The following TENM4 variants were observed in gnomAD, a reference collection of about 807,000 sequenced individuals.
TENM4 encodes teneurin-4.
In TENM4, 82 loss-of-function variants were observed where a neutral mutation model predicts 243.3. The ratio of observed to expected loss-of-function variants is 0.34; its 90% confidence interval spans 0.28 to 0.40. The LOEUF is 0.40. Ranked by LOEUF, TENM4 falls within the 10% of genes least tolerant of loss-of-function variation. The pLI is 1.00. For missense variants in TENM4, 3,138 were observed against 3,673.3 expected, an observed-to-expected ratio of 0.85 and a Z score of 3.77; for synonymous variants, 1,412 against 1,456.3, an observed-to-expected ratio of 0.97 and a Z score of 0.69.
Position 78,726,127 on chromosome 11 carries a change from G to A in TENM4, c.3502C>T (p.Leu1168Phe), listed in dbSNP as rs1855505325. The change falls in exon 23 of 34, where the codon CTT (leucine) becomes TTT (phenylalanine). Residue 1168 changes from leucine to phenylalanine, a missense_variant. By Grantham distance (22) the Leu-to-Phe change is conservative. Transcript: ENST00000278550. The stretch of plus-strand genomic sequence containing the variant: ...TGTTTGTCTAGGCTCCATCCTCCAA[G>A]CTTGGACGCGTCAATTTCATAGCCC... ...LQGYEIDASK[L>F]GGWSLDKHHA... 1 of 1,613,916 alleles carries A rather than the reference G, an allele frequency of 6.2e-7. No homozygotes were observed. The highest frequency in any genetic ancestry group is 1.3e-5 in the African/African-American group (1 of 74,930).
rs919909100 is a variant in TENM4, at chr11:79,069,768, G to A, written c.177C>T (p.Arg59=). 1.7e-5 allele frequency: 26 copies of A among 1,551,218 alleles called. No homozygotes were observed. Among genetic ancestry groups the A allele is most frequent in the East Asian group, 7.3e-5 (3 of 40,914 alleles). The change falls in exon 5 of 34, where the codon CGC becomes CGT. Residue 59 remains arginine (R), a synonymous_variant. Transcript: ENST00000278550. ...CCTCCTGCGGCACAATGTCCTTGAC[G>A]CGGCTGCCATAGGCTAGGCGGGCGT... ...DQDARLAYGS[R]VKDIVPQEAE...
intron 6 of TENM4, among the ~76,000 whole-genome samples, chr11:78,950,052 G>T (rs1857081831): frequency 6.6e-6 from 1 of 152,056 alleles, no homozygotes; most frequent in Non-Finnish European, 1.5e-5. Context: ...TGTGTTCTGA[G>T]GGGGCTCTAA....
chr11:78,881,959 G>A (rs1008268378), intron 9 of TENM4, among the ~76,000 whole-genome samples: 2 of 152,164 alleles, frequency 1.3e-5, no homozygotes, highest in East Asian at 1.9e-4. Flanking sequence ...TGAAGGAATC[G>A]ATCTTGGAGA....
chr11:79,310,285 A>G (rs1363143044), intron 1 of TENM4, among the ~76,000 whole-genome samples: 1 of 152,238 alleles, frequency 6.6e-6, no homozygotes, highest in Non-Finnish European at 1.5e-5. Flanking sequence ...CTCACCAGAC[A>G]CCATCTTGAT....
intron 6 of TENM4, among the ~76,000 whole-genome samples, chr11:79,047,458 A>AG (rs1240851519): frequency 2.6e-5 from 4 of 152,194 alleles, no homozygotes; most frequent in Non-Finnish European, 2.9e-5. Context: ...CTCTCTGGGG[A>AG]TGCTCACTTT....
chr11:79,141,280 C>T (rs1031793462), intron 4 of TENM4, among the ~76,000 whole-genome samples: 1 of 151,872 alleles, frequency 6.6e-6, no homozygotes, highest in Admixed American at 6.6e-5. Context: ...AGAGAAGACC[C>T]AAATAAAATC....
At position 79,353,200 on chromosome 11, in the gene TENM4, G is replaced by A. The variant is rs184376361; in HGVS notation, c.-320-55657C>T. On this transcript the variant is annotated intron_variant, in intron 1 of 33. Coordinates refer to ENST00000278550, the MANE Select transcript of TENM4 (RefSeq NM_001098816.3). The stretch of plus-strand genomic sequence containing the variant: ...ACTTGCTGAGGGCTGGAGGAAGATG[G>A]CCATCTGCCTCCTGGACCAGATCGT... Among the ~76,000 whole-genome samples, 594 of 152,294 alleles carry A rather than the reference G, an allele frequency of 3.9e-3. 4 individuals are homozygous for A. Among genetic ancestry groups the A allele is most frequent in the African/African-American group, 0.014 (564 of 41,554 alleles).
At position 78,947,440 on chromosome 11, in the gene TENM4, G is replaced by T. The variant is rs373923743; in HGVS notation, c.494-43917C>A. ...AGGTAGGGAGTGAGGTGGGGACAGG[G>T]TGTGTGGGGACCTGGAAAAGCAGAA... On this transcript the variant is annotated intron_variant, in intron 6 of 33. Transcript: ENST00000278550. Among the ~76,000 whole-genome samples, 25 of 152,184 alleles carry T rather than the reference G, an allele frequency of 1.6e-4. No homozygotes were observed. In the South Asian group the frequency reaches 4.4e-3, roughly 26 times the overall value.
rs376764719 is a variant in TENM4, at chr11:79,429,162, A to C, written c.-321+11347T>G. 1.1e-3 allele frequency among the ~76,000 whole-genome samples: 168 copies of C among 152,310 alleles called. 1 individual carries two copies. Among genetic ancestry groups the C allele is most frequent in the Middle Eastern group, 3.4e-3 (1 of 294 alleles). ...CAAGGTGGCAAAGAAACAGAGCTGG[A>C]ATTTGAGCCAGGATCTGCTGTCTCA... On this transcript the variant is annotated intron_variant, in intron 1 of 33. Transcript: ENST00000278550.
At chr11:79,300,280 T>C (rs994633345) in intron 1 of TENM4, among the ~76,000 whole-genome samples, 1 of 152,256 alleles carries the variant, frequency 6.6e-6, no homozygotes, top group Non-Finnish European at 1.5e-5. Flanking sequence ...ATCCACACAA[T>C]GTACATTCAG....
chr11:79,248,642 A>G (rs72937362), intron 2 of TENM4, among the ~76,000 whole-genome samples: 8,451 of 152,308 alleles, frequency 0.055, 351 homozygotes, highest in African/African-American at 0.12. Flanking sequence ...TTAAAAAACC[A>G]TACACACCTT....
intron 4 of TENM4, among the ~76,000 whole-genome samples, chr11:79,082,670 C>T (rs1860705820): frequency 6.6e-6 from 1 of 152,004 alleles, no homozygotes; most frequent in South Asian, 2.1e-4. Context: ...TTGCAAAGGC[C>T]CTTGGGGAGG....
At chr11:79,244,836 G>A (rs996558607) in intron 2 of TENM4, among the ~76,000 whole-genome samples, 8 of 152,080 alleles carry the variant, frequency 5.3e-5, no homozygotes, top group Admixed American at 3.3e-4. Context: ...ATTTTTGCCC[G>A]GAGTTTTCTT....
chr11:78,778,258 G>A (rs1363318498), intron 17 of TENM4, among the ~76,000 whole-genome samples: 1 of 150,918 alleles, frequency 6.6e-6, no homozygotes, highest in Non-Finnish European at 1.5e-5. Context: ...TGGTGGACCA[G>A]GGGCCATAAC....
intron 2 of TENM4, among the ~76,000 whole-genome samples, chr11:79,287,816 G>A (rs1856283738): frequency 6.6e-6 from 1 of 151,934 alleles, no homozygotes. Flanking sequence ...CAAGGGCAGA[G>A]GGTATTATCA....
intron 3 of TENM4, among the ~76,000 whole-genome samples, chr11:79,156,124 C>T (rs1049611665): frequency 1.3e-5 from 2 of 152,130 alleles, no homozygotes; most frequent in African/African-American, 2.4e-5. Context: ...GTTCTCCTGC[C>T]TAGAGGGAAG....
In TENM4 at chr11:79,064,774, T is replaced by C. The variant is rs1860197042; in HGVS notation, c.457A>G (p.Thr153Ala). The C allele has an allele frequency of 6.5e-7, 1 of 1,548,536 alleles. No homozygotes were observed. The change falls in exon 6 of 34, where the codon ACA becomes GCA. Residue 153 changes from threonine (T) to alanine (A), a missense_variant. Coordinates refer to ENST00000278550, the MANE Select transcript of TENM4 (RefSeq NM_001098816.3). ...TTTTCATGCTCGGTGTCGGTGAGTG[T>C]GAGATTGGAATTGGCCCGGCTGGAC... ...CLSSRANSNL[T>A]LTDTEHENTE...
In TENM4 at chr11:78,906,137, A is replaced by G. The variant is rs7102496; in HGVS notation, c.494-2614T>C. ...AGTCAACCTCATGGCATTTTACTTA[A>G]TTGATATAGTTTCTGCTATGTATTG... On this transcript the variant is annotated intron_variant, in intron 6 of 33. Transcript: ENST00000278550. Among the ~76,000 whole-genome samples, 469 of 152,308 alleles carry G rather than the reference A, an allele frequency of 3.1e-3. 3 individuals carry two copies. Among genetic ancestry groups the G allele is most frequent in the African/African-American group, 0.011 (447 of 41,570 alleles).
In TENM4 at chr11:79,244,835, C is replaced by T. The variant is rs114946886; in HGVS notation, c.-264-28926G>A. ...CAGGGCAAGGGGTGAAATTTTTGCC[C>T]GGAGTTTTCTTAAACAACCAGAGAC... On this transcript the variant is annotated intron_variant, in intron 2 of 33. Transcript: ENST00000278550. 7.9e-3 allele frequency among the ~76,000 whole-genome samples: 1,198 copies of T among 152,088 alleles called. 15 individuals carry two copies. The highest frequency in any genetic ancestry group is 0.028 in the African/African-American group (1,160 of 41,478).
Sources: allele counts gnomAD v4.1 joint callset (sites outside exome capture counted in the v4.1 genomes callset), GRCh38; gene constraint gnomAD v4.1.1; transcripts MANE v1.5; gene names NCBI Gene and HGNC (gene_info 2026-07-23, HGNC 2026-07-21).